Variants in TRPA1 observed in about 807,000 individuals in gnomAD.
The protein encoded by TRPA1 is ankyrin-like with transmembrane domains 1.
A neutral mutation model predicts 131.3 loss-of-function variants in TRPA1; 129 were observed. The ratio of observed to expected loss-of-function variants is 0.98; its 90% confidence interval spans 0.85 to 1.14. The LOEUF is 1.14. Among genes scored for constraint, TRPA1 ranks in the 50% most tolerant of loss-of-function variants. TRPA1 has a pLI of 0.00. For synonymous variants in TRPA1, 441 were observed against 451.7 expected, an observed-to-expected ratio of 0.98 and a Z score of 0.30; for missense variants, 1,304 against 1,354.2, an observed-to-expected ratio of 0.96 and a Z score of 0.58.
At chr8:72,036,024 A>G (rs1294997929) in intron 21 of TRPA1, among the ~76,000 whole-genome samples, 1 of 150,072 alleles carries the variant, frequency 6.7e-6, no homozygotes, top group Non-Finnish European at 1.5e-5. Flanking sequence ...AAAAAAAAAA[A>G]AAAAAAGAAG....
chr8:72,088,812 G>T, the TRPA1 span, among the ~76,000 whole-genome samples: 4 of 152,064 alleles, frequency 2.6e-5, no homozygotes, highest in Admixed American at 2.0e-4. Context: ...AGCATATCTT[G>T]CTCTTTCTAC....
At chr8:72,034,877 A>G (rs1299514681) in intron 21 of TRPA1, among the ~76,000 whole-genome samples, 1 of 152,210 alleles carries the variant, frequency 6.6e-6, no homozygotes, top group East Asian at 1.9e-4. Flanking sequence ...CCACTTGACA[A>G]CTGGACATTA....
upstream of TRPA1, among the ~76,000 whole-genome samples, chr8:72,079,586 A>C (rs1806251805): frequency 6.6e-6 from 1 of 152,018 alleles, no homozygotes; most frequent in Admixed American, 6.5e-5. Context: ...AGCCAATACC[A>C]CATGGTCTTG....
At chr8:72,049,640 G>A (rs1805442943) in intron 15 of TRPA1, among the ~76,000 whole-genome samples, 1 of 152,052 alleles carries the variant, frequency 6.6e-6, no homozygotes, top group Admixed American at 6.6e-5. Flanking sequence ...CTTGTCTGGG[G>A]TGTCCGGTCA....
rs755609525 is a variant in TRPA1 at position 72,034,216 on chromosome 8, G to A, written c.2685+32C>T. ...AATATATATTTCCATAATTCACAGCGACAAAATCAACTACTGATGTAACTG... is the reference window on the plus strand; with the variant it reads ...AATATATATTTCCATAATTCACAGCAACAAAATCAACTACTGATGTAACTG... On this transcript the variant is annotated intron_variant, in intron 22 of 26. Coordinates refer to ENST00000262209, the MANE Select transcript of TRPA1 (RefSeq NM_007332.3). 13 of 1,582,572 alleles carry A rather than the reference G, an allele frequency of 8.2e-6. No homozygotes were observed. The East Asian group carries it at 9.1e-5, about 11-fold the overall frequency.
chr8:72,039,256 C>G (rs1427165444), intron 18 of TRPA1, among the ~76,000 whole-genome samples: 1 of 152,006 alleles, frequency 6.6e-6, no homozygotes, highest in Non-Finnish European at 1.5e-5. Context: ...AGGATGTTAG[C>G]CCATATAATC....
intron 18 of TRPA1, 68 bp from the exon 19 acceptor site, chr8:72,039,095 G>A (rs1812157786): frequency 6.6e-7 from 1 of 1,523,112 alleles, no homozygotes; most frequent in Non-Finnish European, 9.0e-7. Context: ...GATACCTGGG[G>A]AAAAAATGGT....
the TRPA1 span, among the ~76,000 whole-genome samples, chr8:72,084,353 T>C: frequency 6.6e-6 from 1 of 152,086 alleles, no homozygotes; most frequent in African/African-American, 2.4e-5. Flanking sequence ...CATAAATTTC[T>C]AAATCTTCCC....
intron 3 of TRPA1, among the ~76,000 whole-genome samples, chr8:72,068,197 C>T (rs927516386): frequency 1.3e-5 from 2 of 152,308 alleles, no homozygotes; most frequent in African/African-American, 4.8e-5. Flanking sequence ...ACTCATGGAA[C>T]TCTTTGGATA....
chr8:72,027,074 T>A (rs1811635354), intron 24 of TRPA1, among the ~76,000 whole-genome samples: 1 of 152,196 alleles, frequency 6.6e-6, no homozygotes, highest in Non-Finnish European at 1.5e-5. Flanking sequence ...TTTTCACTGA[T>A]TTTCTATAAT....
chr8:72,052,554 A>C, intron 14 of TRPA1, 45 bp downstream of exon 14: 6 of 1,610,940 alleles, frequency 3.7e-6, no homozygotes, highest in Non-Finnish European at 5.1e-6. Flanking sequence ...AAATCATCCC[A>C]ACACCAGAGA....
At chr8:72,071,135 C>G (rs1191913677) in intron 2 of TRPA1, among the ~76,000 whole-genome samples, 1 of 152,224 alleles carries the variant, frequency 6.6e-6, no homozygotes, top group African/African-American at 2.4e-5. Flanking sequence ...CTCTTATCCT[C>G]TCTTTACTAC....
chr8:72,065,754 A>G (rs1424989603), intron 3 of TRPA1, among the ~76,000 whole-genome samples, 196 bp from the exon 4 acceptor site: 1 of 152,240 alleles, frequency 6.6e-6, no homozygotes, highest in Non-Finnish European at 1.5e-5. Context: ...TGAAATAATC[A>G]TGATTTCAAC....
Position 72,053,733 on chromosome 8 carries a change from A to T in TRPA1, c.1644+20T>A. On this transcript the variant is annotated intron_variant, in intron 13 of 26. Transcript: ENST00000262209. ...TGCTATATTGAGATTTTGGGTAAGCATGAGGACCGCAGTACATACCCCGTC... is the reference window on the plus strand; with the variant it reads ...TGCTATATTGAGATTTTGGGTAAGCTTGAGGACCGCAGTACATACCCCGTC... The T allele has an allele frequency of 6.3e-7, 1 of 1,579,332 alleles. No individual in the cohort carries two copies. The highest frequency in any genetic ancestry group is 1.3e-5 in the African/African-American group (1 of 74,334).
At chr8:72,036,243 T>G in intron 21 of TRPA1, 45 bp downstream of exon 21, 1 of 1,597,006 alleles carries the variant, frequency 6.3e-7, no homozygotes, top group Non-Finnish European at 8.6e-7. Context: ...TCTTTTGATA[T>G]TAAAAATGCT....
At chr8:72,068,102 C>T (rs890487401) in intron 3 of TRPA1, among the ~76,000 whole-genome samples, 3 of 152,204 alleles carry the variant, frequency 2.0e-5, no homozygotes, top group Admixed American at 2.0e-4. Flanking sequence ...GAAAGTGGCT[C>T]CTCTCAAACC....
chr8:72,089,100 T>C, the TRPA1 span, among the ~76,000 whole-genome samples: 3 of 151,792 alleles, frequency 2.0e-5, no homozygotes, highest in African/African-American at 7.3e-5. Flanking sequence ...TTCTTGTGAC[T>C]ATGCACATAT....
chr8:72,088,452 C>T, the TRPA1 span, among the ~76,000 whole-genome samples: 3 of 142,184 alleles, frequency 2.1e-5, no homozygotes, highest in Non-Finnish European at 4.5e-5. Context: ...CAATCTCAAT[C>T]CAATTGCTTT....
intron 8 of TRPA1, among the ~76,000 whole-genome samples, chr8:72,058,436 C>T (rs963281710): frequency 2.6e-5 from 4 of 151,966 alleles, no homozygotes; most frequent in African/African-American, 9.7e-5. Context: ...AATCAAAGGC[C>T]TTTTAAAATT....
Sources: allele counts gnomAD v4.1 joint callset (sites outside exome capture counted in the v4.1 genomes callset), GRCh38; gene constraint gnomAD v4.1.1; transcripts MANE v1.5; gene names NCBI Gene and HGNC (gene_info 2026-07-23, HGNC 2026-07-21).